GTF3C4: variants seen among roughly 807,000 people sequenced by gnomAD.
GTF3C4 encodes the protein general transcription factor 3C polypeptide 4.
Under a neutral mutation model 67.5 loss-of-function variants are expected in GTF3C4, and 28 were observed. That is an observed-to-expected ratio of 0.41 (90% CI 0.31 to 0.57). The LOEUF (loss-of-function observed/expected upper bound fraction) is 0.57, where lower values mean the gene tolerates loss of function less well. GTF3C4 is among the 20% of genes least tolerant of loss of function. The pLI is 0.21. For synonymous variants in GTF3C4, 409 were observed against 393.0 expected, an observed-to-expected ratio of 1.04 and a Z score of -0.48; for missense variants, 831 against 1,033.2, an observed-to-expected ratio of 0.80 and a Z score of 2.68.
In GTF3C4 at chr9:132,691,636, A is replaced by C. The variant is rs764442611; in HGVS notation, c.*2691A>C. The C allele has an allele frequency of 1.3e-5, 2 of 152,210 alleles. No homozygotes were observed. The highest frequency in any genetic ancestry group is 2.9e-5 in the Non-Finnish European group (2 of 68,032). 9.4% of individuals were successfully genotyped at this position (152,210 alleles called of 1,614,324 possible). On this transcript the variant is annotated 3_prime_UTR_variant, in exon 5 of 5. Transcript: ENST00000372146. Reference sequence around the variant, plus strand: ...TTGTTCTTATTATTCTAGGTAAGAAATTGATAGCTTGTTATGCTTGGTACT... The same window carrying C: ...TTGTTCTTATTATTCTAGGTAAGAACTTGATAGCTTGTTATGCTTGGTACT...
chr9:132,687,167 G>A (rs757429344), intron 3 of GTF3C4, 72 bp from the exon 4 acceptor site: 48 of 836,612 alleles, frequency 5.7e-5, no homozygotes, highest in Admixed American at 1.0e-4. Context: ...TCTCTGTGAT[G>A]GAGAAACATC....
chr9:132,684,101 C>T (rs944546152), intron 3 of GTF3C4, among the ~76,000 whole-genome samples: 2 of 152,168 alleles, frequency 1.3e-5, no homozygotes, highest in Admixed American at 6.5e-5. Flanking sequence ...GGTTTTTGTC[C>T]TGTCTCTGAC....
chr9:132,691,722 A>G lies in GTF3C4; in HGVS notation c.*2777A>G, dbSNP rs1369776918. 6.6e-6 allele frequency: 1 copy of G among 152,192 alleles called. No homozygotes were observed. Among genetic ancestry groups the G allele is most frequent in the East Asian group, 1.9e-4 (1 of 5,198 alleles). The allele number at this position is 152,192 out of a possible 1,614,324, so 9.4% of individuals were successfully genotyped here. A position where few individuals can be genotyped will look rare whatever the true frequency, so the allele number is the denominator to read the frequency against. ...TCAAGCAATCTCTACCTACTATTAT[A>G]TCTGCCAAAACTACCAATTATTTTT... is the stretch of plus-strand genomic sequence containing the variant. On this transcript the variant is annotated 3_prime_UTR_variant, in exon 5 of 5. Transcript: ENST00000372146.
intron 2 of GTF3C4, among the ~76,000 whole-genome samples, chr9:132,681,893 T>C (rs535654551): frequency 6.8e-6 from 1 of 146,016 alleles, no homozygotes; most frequent in Non-Finnish European, 1.5e-5. Context: ...GAGGCCAGGG[T>C]GTGAGGATCG....
rs1188171791 is a variant in GTF3C4, at chr9:132,691,644, C to A, written c.*2699C>A. ...ATTATTCTAGGTAAGAAATTGATAG[C>A]TTGTTATGCTTGGTACTCATTCTGA... On this transcript the variant is annotated 3_prime_UTR_variant, in exon 5 of 5. Transcript: ENST00000372146. The A allele has an allele frequency of 6.6e-6, 1 of 152,140 alleles. No homozygotes were observed. The highest frequency in any genetic ancestry group is 1.5e-5 in the Non-Finnish European group (1 of 68,030). The allele number at this position is 152,140 out of a possible 1,614,324, so 9.4% of individuals were successfully genotyped here.
intron 4 of GTF3C4, among the ~76,000 whole-genome samples, chr9:132,688,457 G>A (rs180719729): frequency 6.8e-4 from 104 of 152,326 alleles, no homozygotes; most frequent in African/African-American, 2.4e-3. Flanking sequence ...GATGAAAGAC[G>A]AGGAGGATTT....
chr9:132,689,079 G>A lies in GTF3C4; in HGVS notation c.*134G>A. On this transcript the variant is annotated 3_prime_UTR_variant, in exon 5 of 5. Transcript: ENST00000372146. ...GAGAAGTCCTTGGTGATTGTAAAGA[G>A]GGCCCCTGGAGCTCATTTCTGAATC... The A allele has an allele frequency of 1.5e-6, 1 of 677,900 alleles. No homozygotes were observed. Among genetic ancestry groups the A allele is most frequent in the South Asian group, 1.6e-5 (1 of 61,140 alleles). 42.0% of individuals were successfully genotyped at this position (677,900 alleles called of 1,614,324 possible).
chr9:132,670,237 G>C (rs943251611), upstream of GTF3C4: 3 of 1,529,542 alleles, frequency 2.0e-6, no homozygotes, highest in East Asian at 4.6e-5. Flanking sequence ...TGAGAAGCGA[G>C]ATCCGGCGCC....
intron 2 of GTF3C4, among the ~76,000 whole-genome samples, chr9:132,680,417 A>G (rs1371667218): frequency 6.6e-6 from 1 of 152,222 alleles, no homozygotes; most frequent in South Asian, 2.1e-4. Context: ...GAGGATTCCT[A>G]CAGAAAAGAA....
At chr9:132,684,103 GTC>G (rs1316789397) in intron 3 of GTF3C4, among the ~76,000 whole-genome samples, 2 of 152,032 alleles carry the variant, frequency 1.3e-5, no homozygotes, top group African/African-American at 2.4e-5. Flanking sequence ...TTTTTGTCCT[GTC>G]TCTGACTCTT....
chr9:132,670,386 G>T, upstream of GTF3C4: 1 of 1,175,514 alleles, frequency 8.5e-7, no homozygotes, highest in Non-Finnish European at 1.1e-6. Flanking sequence ...GGGGCTCCCC[G>T]CTCGCTGTCC....
rs1219688249 is a variant in GTF3C4 at position 132,689,006 on chromosome 9, G to A, written c.*61G>A. The A allele has an allele frequency of 7.9e-7, 1 of 1,266,002 alleles. No individual in the cohort carries two copies. Among genetic ancestry groups the A allele is most frequent in the Non-Finnish European group, 1.2e-6 (1 of 868,500 alleles). The allele number at this position is 1,266,002 out of a possible 1,614,324, so 78.4% of individuals were successfully genotyped here. ...ACTCTGCCATAGAAAACTTCCTCCA[G>A]CCTGAAGAGAAGGATGCACTGGAGG... On this transcript the variant is annotated 3_prime_UTR_variant, in exon 5 of 5. Transcript: ENST00000372146.
intron 1 of GTF3C4, among the ~76,000 whole-genome samples, chr9:132,672,222 C>T (rs992895495): frequency 6.6e-6 from 1 of 152,194 alleles, no homozygotes; most frequent in African/African-American, 2.4e-5. Flanking sequence ...GTATCTTCTG[C>T]TGTAAAGGAA....
intron 1 of GTF3C4, among the ~76,000 whole-genome samples, chr9:132,673,053 G>C (rs1835809785): frequency 6.6e-6 from 1 of 152,100 alleles, no homozygotes; most frequent in South Asian, 2.1e-4. Context: ...GCGTGGTGGC[G>C]GGCGCCTGTA....
chr9:132,671,747 T>C lies in GTF3C4; in HGVS notation c.357+792T>C, dbSNP rs7873554. On this transcript the variant is annotated intron_variant, in intron 1 of 4. Coordinates refer to ENST00000372146, the MANE Select transcript of GTF3C4 (RefSeq NM_012204.4). ...TGTATATTCATACATTCAATAGATA[T>C]TTGAATACCATTCTGCTTGGTGCTG... Among the ~76,000 whole-genome samples, 438 of 152,270 alleles carry C rather than the reference T, an allele frequency of 2.9e-3. 2 individuals carry two copies. Among genetic ancestry groups the C allele is most frequent in the African/African-American group, 9.9e-3 (413 of 41,554 alleles).
chr9:132,678,291 T>C lies in GTF3C4; in HGVS notation c.672T>C (p.Ser224=). 6.2e-7 allele frequency: 1 copy of C among 1,614,132 alleles called. No individual in the cohort carries two copies. The highest frequency in any genetic ancestry group is 8.5e-7 in the Non-Finnish European group (1 of 1,180,020). Residue 224 remains serine (S), a synonymous_variant, in exon 2 of 5, where the codon TCT becomes TCC. Transcript: ENST00000372146. The surrounding 1 kb of genome is among the most constrained non-coding windows in gnomAD (Gnocchi z 6.5). ...ERLYETSYRL[S]KNEAPEGNLG... is the part of the protein sequence containing the mutation. ...TTTATGAGACCAGTTACAGGCTCTC[T>C]AAAAATGAGGCCCCGGAAGGAAATC...
At position 132,693,042 on chromosome 9, in the gene GTF3C4, A is replaced by C. The variant is rs181257403; in HGVS notation, c.*4097A>C. On this transcript the variant is annotated 3_prime_UTR_variant, in exon 5 of 5. Transcript: ENST00000372146. ...AATACTGAGTTGCTTCTAGTTATCT[A>C]AAGTAGTACAGAATCACTATCCCGA... is the stretch of plus-strand genomic sequence containing the variant. 1 of 152,336 alleles carries C rather than the reference A, an allele frequency of 6.6e-6. No individual in the cohort carries two copies. Among genetic ancestry groups the C allele is most frequent in the East Asian group, 1.9e-4 (1 of 5,186 alleles). 9.4% of individuals were successfully genotyped at this position (152,336 alleles called of 1,614,324 possible).
At chr9:132,674,881 A>G (rs570454553) in intron 1 of GTF3C4, among the ~76,000 whole-genome samples, 3 of 152,314 alleles carry the variant, frequency 2.0e-5, no homozygotes, top group African/African-American at 7.2e-5. Flanking sequence ...AATTTTAAAA[A>G]TTAGCCAGGC....
At chr9:132,687,212 T>C (rs1836044054) in intron 3 of GTF3C4, 27 bp from the exon 4 acceptor site, 1 of 1,287,822 alleles carries the variant, frequency 7.8e-7, no homozygotes, top group Admixed American at 1.7e-5. Flanking sequence ...ACCCTCTCCC[T>C]TGCCAATACA....
Sources: gnomAD v4.1 joint callset for allele counts (sites outside exome capture counted in the v4.1 genomes callset) on GRCh38, gnomAD v4.1.1 for gene constraint, Gnocchi (gnomAD v3.1) non-coding constraint, MANE v1.5 for transcripts, NCBI Gene and HGNC (gene_info 2026-07-23, HGNC 2026-07-21) for gene names.